The following PCCA variants were observed in gnomAD, a reference collection of about 807,000 sequenced individuals.
PCCA encodes the protein propionyl-CoA carboxylase alpha chain, mitochondrial.
In PCCA, 74 loss-of-function variants were observed where a neutral mutation model predicts 101.3. The ratio of observed to expected loss-of-function variants is 0.73; its 90% CI spans 0.61 to 0.89. The LOEUF (loss-of-function observed/expected upper bound fraction) is 0.89, where lower values mean the gene tolerates loss of function less well. Among genes scored for constraint, PCCA ranks in the 40% least tolerant of loss-of-function variants. The pLI, the probability that PCCA is intolerant of heterozygous loss-of-function variation, is 0.00. For synonymous variants in PCCA, 294 were observed against 313.6 expected, an observed-to-expected ratio of 0.94 and a Z score of 0.66; for missense variants, 891 against 907.0, an observed-to-expected ratio of 0.98 and a Z score of 0.23.
At chr13:100,438,289 G>A (rs2080092925) in intron 20 of PCCA, among the ~76,000 whole-genome samples, 2 of 151,778 alleles carry the variant, frequency 1.3e-5, no homozygotes, top group Admixed American at 1.3e-4. Flanking sequence ...TGAGTAGGTG[G>A]GACTGCAGGC....
intron 4 of PCCA, among the ~76,000 whole-genome samples, chr13:100,152,923 G>C (rs542696964): frequency 6.6e-6 from 1 of 152,118 alleles, no homozygotes; most frequent in Non-Finnish European, 1.5e-5. Flanking sequence ...ACTTTTGAAT[G>C]CATGTTCATT....
intron 18 of PCCA, among the ~76,000 whole-genome samples, chr13:100,343,387 A>C (rs1012469185): frequency 1.3e-5 from 2 of 152,218 alleles, no homozygotes; most frequent in African/African-American, 4.8e-5. Context: ...GCATCAAGTA[A>C]TGAGTGGGTA....
At chr13:100,274,920 A>G (rs2063537327) in intron 12 of PCCA, among the ~76,000 whole-genome samples, 1 of 151,984 alleles carries the variant, frequency 6.6e-6, no homozygotes, top group African/African-American at 2.4e-5. Flanking sequence ...GTACTTGCCT[A>G]GGACTGGGGT....
intron 12 of PCCA, among the ~76,000 whole-genome samples, chr13:100,283,852 A>T (rs781352067): frequency 6.6e-6 from 1 of 152,218 alleles, no homozygotes; most frequent in African/African-American, 2.4e-5. Flanking sequence ...AGATTGTCCA[A>T]TGAGAAACAG....
At chr13:100,099,042 T>G (rs2047026686) in intron 1 of PCCA, among the ~76,000 whole-genome samples, 2 of 152,184 alleles carry the variant, frequency 1.3e-5, no homozygotes, top group South Asian at 4.1e-4. Context: ...ATGTTTACTT[T>G]GACCTTGGTG....
chr13:100,099,385 T>G (rs1191805308), intron 1 of PCCA, among the ~76,000 whole-genome samples: 1 of 149,766 alleles, frequency 6.7e-6, no homozygotes, highest in Non-Finnish European at 1.5e-5. Context: ...TGGCGTGATC[T>G]CGGCTCACTA....
intron 16 of PCCA, among the ~76,000 whole-genome samples, chr13:100,329,745 G>C (rs1335143733): frequency 6.6e-6 from 1 of 152,268 alleles, no homozygotes; most frequent in African/African-American, 2.4e-5. Flanking sequence ...GCTGGACCAA[G>C]AAGAAGCTCC....
At chr13:100,286,183 A>G (rs1175325373) in intron 12 of PCCA, among the ~76,000 whole-genome samples, 2 of 152,196 alleles carry the variant, frequency 1.3e-5, no homozygotes, top group African/African-American at 2.4e-5. Flanking sequence ...GCACTGATCT[A>G]TGATTCAGAA....
intron 21 of PCCA, among the ~76,000 whole-genome samples, chr13:100,475,769 G>A (rs2083369740): frequency 6.6e-6 from 1 of 152,104 alleles, no homozygotes; most frequent in Admixed American, 6.6e-5. Flanking sequence ...CCAGCAATGG[G>A]AGCGATCCAG....
chr13:100,260,395 G>GT (rs1438638573), intron 9 of PCCA, among the ~76,000 whole-genome samples: 2 of 148,866 alleles, frequency 1.3e-5, no homozygotes, highest in African/African-American at 4.9e-5. Context: ...GTGTGTGTGT[G>GT]TGTTTTTTTT....
chr13:100,415,517 T>C (rs1421590974), intron 19 of PCCA, among the ~76,000 whole-genome samples: 5 of 152,248 alleles, frequency 3.3e-5, no homozygotes, highest in African/African-American at 1.2e-4. Flanking sequence ...GAACTAGTTA[T>C]TCCTTTCTGA....
At chr13:100,458,440 TACACACACACACACACACACACACAC>T (rs777836240) in intron 21 of PCCA, among the ~76,000 whole-genome samples, 17 of 118,766 alleles carry the variant, frequency 1.4e-4, no homozygotes, top group East Asian at 7.7e-4. Flanking sequence ...CACACACACA[TACACACACACACACACACACACACAC>T]ACACACACAC....
intron 10 of PCCA, among the ~76,000 whole-genome samples, chr13:100,264,076 C>T (rs1464592580): frequency 7.1e-6 from 1 of 140,036 alleles, no homozygotes; most frequent in African/African-American, 2.6e-5. Flanking sequence ...ATCTGTATAT[C>T]GTATATATAC....
intron 18 of PCCA, among the ~76,000 whole-genome samples, chr13:100,358,006 G>T (rs1023617691): frequency 6.6e-6 from 1 of 152,194 alleles, no homozygotes; most frequent in African/African-American, 2.4e-5. Context: ...TAAAATTTCA[G>T]TTGCCTACCA....
intron 12 of PCCA, among the ~76,000 whole-genome samples, chr13:100,283,702 C>T (rs987245327): frequency 1.3e-5 from 2 of 151,522 alleles, no homozygotes; most frequent in African/African-American, 2.4e-5. Flanking sequence ...AAAGGAAAAG[C>T]GAGATCAGAG....
intron 21 of PCCA, among the ~76,000 whole-genome samples, chr13:100,508,934 G>C (rs907166344): frequency 6.6e-6 from 1 of 151,930 alleles, no homozygotes; most frequent in Non-Finnish European, 1.5e-5. Context: ...AACCGTAAAC[G>C]CTTGCAGTTG....
chr13:100,192,287 A>G (rs1432828699), intron 6 of PCCA, among the ~76,000 whole-genome samples: 4 of 152,072 alleles, frequency 2.6e-5, no homozygotes, highest in Admixed American at 1.3e-4. Flanking sequence ...TTTTGATTTT[A>G]ATTGTGTTAT....
rs1310222064 is a variant in PCCA, at chr13:100,273,205, G to C, written c.924G>C (p.Leu308Phe). 1 of 1,611,878 alleles carries C rather than the reference G, an allele frequency of 6.2e-7. No homozygotes were observed. Among genetic ancestry groups the C allele is most frequent in the Admixed American group, 1.7e-5 (1 of 59,794 alleles). ...KVVEEAPSIF[L>F]DAETRRAMGE... is the part of the protein sequence containing the mutation. ...TTTTTTGTATATGTAGCATTTTTTTGGATGCGGAGACTCGAAGAGCGATGG... is the reference window on the plus strand; with the variant it reads ...TTTTTTGTATATGTAGCATTTTTTTCGATGCGGAGACTCGAAGAGCGATGG... Residue 308 changes from leucine (L) to phenylalanine (F), a missense_variant, in exon 12 of 24, where the codon TTG becomes TTC. Transcript: ENST00000376285.
intron 19 of PCCA, among the ~76,000 whole-genome samples, chr13:100,407,974 G>C (rs1279292578): frequency 1.3e-5 from 2 of 151,986 alleles, no homozygotes; most frequent in Non-Finnish European, 2.9e-5. Flanking sequence ...AACATGGTGA[G>C]ACCCTGTCTC....
Sources: gnomAD v4.1 joint callset for allele counts (sites outside exome capture counted in the v4.1 genomes callset) on GRCh38, gnomAD v4.1.1 for gene constraint, MANE v1.5 for transcripts, NCBI Gene and HGNC (gene_info 2026-07-23, HGNC 2026-07-21) for gene names.